Variants in SOCS6 observed in about 807,000 individuals in gnomAD.
SOCS6 encodes the protein STAT induced STAT inhibitor-4.
SOCS6 carries 5 observed loss-of-function variants against 27.7 expected under a neutral mutation model. The observed-to-expected ratio is 0.18, with a 90% CI of 0.09 to 0.38. The LOEUF is 0.38. Ranked by LOEUF, SOCS6 falls within the 10% of genes least tolerant of loss-of-function variation. SOCS6 has a pLI of 1.00. For synonymous variants in SOCS6, 271 were observed against 260.0 expected, an observed-to-expected ratio of 1.04 and a Z score of -0.41; for missense variants, 595 against 688.1, an observed-to-expected ratio of 0.86 and a Z score of 1.51.
intron 1 of SOCS6, among the ~76,000 whole-genome samples, chr18:70,293,260 T>C (rs1045432032): frequency 3.9e-5 from 6 of 152,310 alleles, no homozygotes; most frequent in African/African-American, 1.4e-4. Flanking sequence ...CGTTTGTCCT[T>C]TTCTGAGCTG....
chr18:70,321,282 C>CAATA (rs373807680), intron 1 of SOCS6, among the ~76,000 whole-genome samples: 2 of 136,060 alleles, frequency 1.5e-5, no homozygotes, highest in African/African-American at 5.4e-5. Context: ...TCTGTGTCTT[C>CAATA]AATAAATAAA....
rs374238156 is a variant in SOCS6, at chr18:70,324,896, G to C, written c.228G>C (p.Thr76=). The C allele has an allele frequency of 1.2e-6, 2 of 1,614,042 alleles. No individual in the cohort carries two copies. Among genetic ancestry groups the C allele is most frequent in the Non-Finnish European group, 1.7e-6 (2 of 1,180,034 alleles). Residue 76 remains threonine, a synonymous_variant, in exon 2 of 2, where the codon ACG becomes ACC. Coordinates refer to ENST00000397942, the MANE Select transcript of SOCS6 (RefSeq NM_004232.4). The part of the protein sequence containing the change: ...NRSKSESLMG[T]LKRRLSAKQK... ...CAAAAAGCGAGAGCCTGATGGGTAC[G>C]CTAAAAAGGCGGCTTTCTGCAAAAC...
At chr18:70,294,208 T>C (rs2062313378) in intron 1 of SOCS6, among the ~76,000 whole-genome samples, 1 of 152,140 alleles carries the variant, frequency 6.6e-6, no homozygotes, top group Non-Finnish European at 1.5e-5. Flanking sequence ...ATCTGACTGC[T>C]TTTGACTAGT....
At position 70,324,752 on chromosome 18, in the gene SOCS6, A is replaced by G; in HGVS notation, c.84A>G (p.Gln28=). 6.2e-7 allele frequency: 1 copy of G among 1,613,758 alleles called. No individual in the cohort carries two copies. Among genetic ancestry groups the G allele is most frequent in the Non-Finnish European group, 8.5e-7 (1 of 1,179,624 alleles). ...AAGAAACTGATTTCATGGTAGTACAACAACCATCGCTAGCCAGTGACTTTG... is the reference window on the plus strand; with the variant it reads ...AAGAAACTGATTTCATGGTAGTACAGCAACCATCGCTAGCCAGTGACTTTG... ...SKEETDFMVV[Q]QPSLASDFGK... is the part of the protein sequence containing the mutation. Residue 28 remains glutamine (Q), a synonymous_variant, in exon 2 of 2, where the codon CAA becomes CAG. Coordinates refer to ENST00000397942, the MANE Select transcript of SOCS6 (RefSeq NM_004232.4).
At chr18:70,295,394 G>A (rs41477548) in intron 1 of SOCS6, among the ~76,000 whole-genome samples, 1,984 of 152,336 alleles carry the variant, frequency 0.013, 18 homozygotes, top group Middle Eastern at 0.024. Context: ...GATGGTTGAA[G>A]CAGCTGGGTT....
chr18:70,322,854 C>A (rs976282622), intron 1 of SOCS6, among the ~76,000 whole-genome samples: 1 of 152,152 alleles, frequency 6.6e-6, no homozygotes, highest in Non-Finnish European at 1.5e-5. Flanking sequence ...GCACACCACC[C>A]GAATCCTATC....
chr18:70,315,254 T>C (rs2062406993), intron 1 of SOCS6, among the ~76,000 whole-genome samples: 1 of 152,150 alleles, frequency 6.6e-6, no homozygotes, highest in African/African-American at 2.4e-5. Context: ...CTCTGAAGTG[T>C]GTTGTGAATT....
At chr18:70,321,821 A>G (rs1911005460) in intron 1 of SOCS6, among the ~76,000 whole-genome samples, 1 of 152,188 alleles carries the variant, frequency 6.6e-6, no homozygotes, top group African/African-American at 2.4e-5. Context: ...AGCTTTGCAA[A>G]TAAACAGCCA....
At chr18:70,318,915 G>A (rs1910873313) in intron 1 of SOCS6, among the ~76,000 whole-genome samples, 2 of 151,786 alleles carry the variant, frequency 1.3e-5, no homozygotes, top group Non-Finnish European at 2.9e-5. Context: ...CAGCCTGGGC[G>A]ACGCGAGCAA....
At chr18:70,316,331 G>T (rs182029516) in intron 1 of SOCS6, among the ~76,000 whole-genome samples, 11 of 152,100 alleles carry the variant, frequency 7.2e-5, no homozygotes, top group Non-Finnish European at 1.6e-4. Flanking sequence ...ATTTATGAAG[G>T]TTTTCATTGG....
rs563230044 is a variant in SOCS6, at chr18:70,309,214, TC to T, written c.-126-15327del. Among the ~76,000 whole-genome samples the T allele has an allele frequency of 8.5e-4, 129 of 152,340 alleles. 2 individuals carry two copies. Among genetic ancestry groups the T allele is most frequent in the Admixed American group, 8.3e-3 (127 of 15,308 alleles). ...ATTGAAATTTGAATTTCATATAATT[TC>T]CATTTGTCACTTTTTTGTTTTTTTA... On this transcript the variant is annotated intron_variant, in intron 1 of 1. Transcript: ENST00000397942.
chr18:70,308,089 G>T (rs966767422), intron 1 of SOCS6, among the ~76,000 whole-genome samples: 1 of 152,148 alleles, frequency 6.6e-6, no homozygotes, highest in Non-Finnish European at 1.5e-5. Flanking sequence ...TGGTTATTTA[G>T]AAGTGTTTTG....
chr18:70,313,505 A>T (rs560166214), intron 1 of SOCS6, among the ~76,000 whole-genome samples: 2 of 152,174 alleles, frequency 1.3e-5, no homozygotes, highest in South Asian at 4.1e-4. Flanking sequence ...TATATTTTTT[A>T]AAAATAAATA....
chr18:70,321,318 T>TTTTTG (rs1910980274), intron 1 of SOCS6, among the ~76,000 whole-genome samples: 1 of 123,986 alleles, frequency 8.1e-6, no homozygotes, highest in Non-Finnish European at 1.7e-5. Flanking sequence ...CTCAGTTTTT[T>TTTTTG]TTTTTTTTTT....
At chr18:70,312,771 ATTTTT>A (rs375997089) in intron 1 of SOCS6, among the ~76,000 whole-genome samples, 4 of 121,984 alleles carry the variant, frequency 3.3e-5, no homozygotes, top group South Asian at 5.3e-4. Flanking sequence ...AATTCTTTGG[ATTTTT>A]TTTTTTTTTT....
chr18:70,314,906 T>G (rs1366162531), intron 1 of SOCS6, among the ~76,000 whole-genome samples: 1 of 151,870 alleles, frequency 6.6e-6, no homozygotes, highest in African/African-American at 2.4e-5. Context: ...TATTTTACAA[T>G]GGGTTTGGGG....
Position 70,326,473 on chromosome 18 carries a change from G to A in SOCS6, c.*197G>A, listed in dbSNP as rs1911213714. The A allele has an allele frequency of 1.7e-6, 1 of 576,164 alleles. No individual in the cohort carries two copies. Among genetic ancestry groups the A allele is most frequent in the Non-Finnish European group, 3.1e-6 (1 of 320,940 alleles). 35.7% of individuals were successfully genotyped at this position (576,164 alleles called of 1,614,324 possible). A position where few individuals can be genotyped will look rare whatever the true frequency, so the allele number is the denominator to read the frequency against. On this transcript the variant is annotated 3_prime_UTR_variant, in exon 2 of 2. Coordinates refer to ENST00000397942, the MANE Select transcript of SOCS6 (RefSeq NM_004232.4). ...GGTTTATTTTGGTTCTTTAAAAAAG[G>A]GAAGTCTTGAGGTTTTAGAGGTGTG...
At chr18:70,289,808 C>A (rs1025409792) in intron 1 of SOCS6, among the ~76,000 whole-genome samples, 5 of 152,142 alleles carry the variant, frequency 3.3e-5, no homozygotes, top group Non-Finnish European at 7.4e-5. Context: ...GAATTTAAAC[C>A]GCTCCTGGGA....
intron 1 of SOCS6, among the ~76,000 whole-genome samples, chr18:70,319,680 T>C (rs1910904546): frequency 6.6e-6 from 1 of 151,898 alleles, no homozygotes; most frequent in African/African-American, 2.4e-5. Flanking sequence ...AAATTAATTT[T>C]ATGAAATCTT....
Sources: allele counts gnomAD v4.1 joint callset (sites outside exome capture counted in the v4.1 genomes callset), GRCh38; gene constraint gnomAD v4.1.1; transcripts MANE v1.5; gene names NCBI Gene and HGNC (gene_info 2026-07-23, HGNC 2026-07-21).